Variants in IFT122 observed in about 807,000 individuals in gnomAD.
The protein encoded by IFT122 is intraflagellar transport protein 122 homolog.
IFT122 carries 118 observed loss-of-function variants against 161.6 expected under a neutral mutation model. The ratio of observed to expected loss-of-function variants is 0.73; its 90% confidence interval spans 0.63 to 0.85. IFT122 has a LOEUF of 0.85. Among genes scored for constraint, IFT122 ranks in the 40% least tolerant of loss-of-function variants. The probability of loss-of-function intolerance (pLI) is 0.00; values close to 1 mark genes in which losing one functional copy is unlikely to be tolerated. For synonymous variants in IFT122, 550 were observed against 602.4 expected, an observed-to-expected ratio of 0.91 and a Z score of 1.27; for missense variants, 1,381 against 1,579.6, an observed-to-expected ratio of 0.87 and a Z score of 2.13.
At chr3:129,504,165 A>T (rs535734488) in intron 20 of IFT122, 154 bp from the exon 21 acceptor site, 2 of 662,002 alleles carry the variant, frequency 3.0e-6, no homozygotes, top group Admixed American at 5.0e-5. Flanking sequence ...TTGTTTTTGC[A>T]TTTCTGTGGG....
intron 9 of IFT122, among the ~76,000 whole-genome samples, chr3:129,473,347 G>A (rs973238438): frequency 2.0e-5 from 3 of 152,162 alleles, no homozygotes; most frequent in Non-Finnish European, 4.4e-5. Flanking sequence ...GGTCGTCATG[G>A]TTCAGTCTCC....
At chr3:129,456,243 T>C (rs1383082283) in intron 3 of IFT122, 1 of 1,282,480 alleles carries the variant, frequency 7.8e-7, no homozygotes, top group African/African-American at 1.5e-5. Flanking sequence ...CCTACCAGGA[T>C]GAGGGAGGAG....
chr3:129,461,525 A>G (rs575161593), intron 5 of IFT122: 1 of 575,380 alleles, frequency 1.7e-6, no homozygotes, highest in Admixed American at 2.7e-5. Context: ...GACTACAGGA[A>G]GGGCCCCAGC....
chr3:129,513,640 A>T (rs1560010274), intron 24 of IFT122: 1 of 158,704 alleles, frequency 6.3e-6, no homozygotes, highest in Non-Finnish European at 1.4e-5. Context: ...TCCCCTGGGG[A>T]CCTGGAAATG....
chr3:129,483,703 A>G, intron 15 of IFT122, 21 bp downstream of exon 15: 2 of 1,565,318 alleles, frequency 1.3e-6, no homozygotes, highest in South Asian at 1.2e-5. Context: ...GTGCCTGTCC[A>G]CTCTTAGCAC....
At chr3:129,456,245 A>G in intron 3 of IFT122, 3 of 1,278,402 alleles carry the variant, frequency 2.3e-6, no homozygotes, top group South Asian at 1.2e-5. Context: ...TACCAGGATG[A>G]GGGAGGAGTG....
chr3:129,449,959 C>T, intron 2 of IFT122, 22 bp downstream of exon 2: 1 of 1,539,828 alleles, frequency 6.5e-7, no homozygotes, highest in Non-Finnish European at 9.0e-7. Context: ...TCTTAGTTTC[C>T]TCTTAAAGTG....
At chr3:129,496,433 G>A (rs1284732737) in intron 18 of IFT122, among the ~76,000 whole-genome samples, 1 of 152,196 alleles carries the variant, frequency 6.6e-6, no homozygotes, top group Non-Finnish European at 1.5e-5. Context: ...TGCCTTTTCT[G>A]GAAGTGTCAA....
In IFT122 at chr3:129,520,159, C is replaced by T. The variant is rs1341217821; in HGVS notation, c.3637-17C>T. 4.4e-6 allele frequency: 7 copies of T among 1,605,818 alleles called. No individual in the cohort carries two copies. The highest frequency in any genetic ancestry group is 6.0e-6 in the Non-Finnish European group (7 of 1,175,340). The stretch of plus-strand genomic sequence containing the variant: ...GCACTAGGGCTTCAGCCTGGTCTTA[C>T]AGCTGTCTTCCCTTAGATGTTCCAT... On this transcript the variant is annotated splice_polypyrimidine_tract_variant and intron_variant, in intron 29 of 29. Transcript: ENST00000348417.
chr3:129,483,942 C>T (rs750636797), intron 15 of IFT122: 12 of 535,074 alleles, frequency 2.2e-5, no homozygotes, highest in Non-Finnish European at 3.7e-5. Flanking sequence ...GAGGGGTATG[C>T]AGTGTTGTCA....
Position 129,458,690 on chromosome 3 carries a change from G to C in IFT122, c.272+13G>C. The C allele has an allele frequency of 1.9e-6, 3 of 1,561,892 alleles. No individual in the cohort carries two copies. The highest frequency in any genetic ancestry group is 2.6e-6 in the Non-Finnish European group (3 of 1,132,392). ...TTCTGAAGTACACGTAAGTAACTTA[G>C]GTGTACAGTATTATGAGTTTGATGC... is the stretch of plus-strand genomic sequence containing the variant. On this transcript the variant is annotated intron_variant, in intron 4 of 29. Transcript: ENST00000348417.
In IFT122 at chr3:129,517,461, C is replaced by T. The variant is rs2084121350; in HGVS notation, c.3266-8C>T. The T allele has an allele frequency of 6.2e-7, 1 of 1,613,194 alleles. No individual in the cohort carries two copies. Among genetic ancestry groups the T allele is most frequent in the Non-Finnish European group, 8.5e-7 (1 of 1,179,414 alleles). The stretch of plus-strand genomic sequence containing the variant: ...CAGCCCCCTCAGCCCTTTCTCTATG[C>T]CCTCCAGACGTGCTACACCTGGTTG... On this transcript the variant is annotated splice_polypyrimidine_tract_variant and splice_region_variant and intron_variant, in intron 26 of 29. Transcript: ENST00000348417.
intron 4 of IFT122, chr3:129,459,196 C>T: frequency 2.4e-6 from 1 of 415,646 alleles, no homozygotes; most frequent in Non-Finnish European, 4.7e-6. Flanking sequence ...AGGCATTTCT[C>T]ACAATTGCAG....
chr3:129,462,678 G>C (rs2076319810), intron 5 of IFT122, among the ~76,000 whole-genome samples: 1 of 152,210 alleles, frequency 6.6e-6, no homozygotes, highest in South Asian at 2.1e-4. Flanking sequence ...AAAATAACTT[G>C]TTTGATGTTG....
intron 24 of IFT122, chr3:129,512,647 G>C: frequency 1.7e-6 from 1 of 577,110 alleles, no homozygotes; most frequent in South Asian, 2.0e-5. Flanking sequence ...CCAGCAGTGG[G>C]TCTCTGGCCA....
At chr3:129,460,942 C>T (rs762291040) in intron 4 of IFT122, 11 of 1,612,940 alleles carry the variant, frequency 6.8e-6, no homozygotes, top group Non-Finnish European at 6.8e-6. Context: ...AGATAAAGCA[C>T]CTAAAGGCCA....
In IFT122 at chr3:129,512,377, C is replaced by A; in HGVS notation, c.2952C>A (p.Ser984Arg). 6.2e-7 allele frequency: 1 copy of A among 1,613,878 alleles called. No individual in the cohort carries two copies. Among genetic ancestry groups the A allele is most frequent in the Non-Finnish European group, 8.5e-7 (1 of 1,179,744 alleles). ...LFNISRFLLH[S>R]LPKDTPSGIS... ...ACATCTCCAGGTTCCTGCTGCACAG[C>A]CTGCCCAAGGACACCCCCTCGGGCA... Residue 984 changes from serine to arginine, a missense_variant, in exon 24 of 30, where the codon AGC (serine) becomes AGA (arginine). Physicochemically the swap from Ser to Arg is moderately radical, Grantham distance 110. Coordinates refer to ENST00000348417, the MANE Select transcript of IFT122 (RefSeq NM_052989.3).
intron 17 of IFT122, among the ~76,000 whole-genome samples, chr3:129,492,457 G>C (rs1292662907): frequency 6.6e-6 from 1 of 152,202 alleles, no homozygotes; most frequent in Non-Finnish European, 1.5e-5. Context: ...TCTGTGAAAA[G>C]GGATTGGACC....
At chr3:129,497,225 G>A (rs1355033881) in intron 18 of IFT122, among the ~76,000 whole-genome samples, 41 of 152,272 alleles carry the variant, frequency 2.7e-4, no homozygotes, top group Non-Finnish European at 1.2e-4. Context: ...CCAAGATCAC[G>A]CCACTGCATT....
Sources: allele counts gnomAD v4.1 joint callset (sites outside exome capture counted in the v4.1 genomes callset), GRCh38; gene constraint gnomAD v4.1.1; transcripts MANE v1.5; gene names NCBI Gene and HGNC (gene_info 2026-07-23, HGNC 2026-07-21).